Variants in C2CD3 observed in about 807,000 individuals in gnomAD.
C2CD3 encodes the protein C2 domain containing 3 centriole elongation regulator.
Under a neutral mutation model 234.0 loss-of-function variants are expected in C2CD3, and 148 were observed. That is an observed-to-expected ratio of 0.63 (90% CI 0.55 to 0.72). C2CD3 has a LOEUF of 0.72. Among genes scored for constraint, C2CD3 ranks in the 30% least tolerant of loss-of-function variants. C2CD3 has a pLI of 0.00. For synonymous variants in C2CD3, 1,000 were observed against 1,035.4 expected (o/e 0.97, Z 0.66); for missense variants, 2,577 against 2,811.5 (o/e 0.92, Z 1.89).
Position 74,054,671 on chromosome 11 carries a change from C to T in C2CD3, c.5091G>A (p.Arg1697=), listed in dbSNP as rs761640737. The T allele has an allele frequency of 3.1e-6, 5 of 1,608,692 alleles. No homozygotes were observed. Among genetic ancestry groups the T allele is most frequent in the Non-Finnish European group, 4.2e-6 (5 of 1,176,938 alleles). Residue 1697 remains arginine, a splice_region_variant and synonymous_variant, in exon 26 of 33, where the codon AGG becomes AGA. Coordinates refer to ENST00000334126, the MANE Select transcript of C2CD3 (RefSeq NM_001286577.2). ...SPIWNFQQQS[R]LSKELLLDPQ... Reference sequence around the variant, plus strand: ...GGTCCAGAAGCAGCTCTTTTGATAGCCTATTAAGAAAAACAACCACTGTAA... The same window carrying T: ...GGTCCAGAAGCAGCTCTTTTGATAGTCTATTAAGAAAAACAACCACTGTAA...
At chr11:74,063,709 T>C (rs1954364297) in intron 24 of C2CD3, among the ~76,000 whole-genome samples, 1 of 152,298 alleles carries the variant, frequency 6.6e-6, no homozygotes, top group African/African-American at 2.4e-5. Context: ...CCTTGAAAAC[T>C]GGCACAAGAC....
At chr11:74,109,230 T>A (rs1424005416) in intron 11 of C2CD3, 78 bp from the exon 12 acceptor site, 1 of 703,176 alleles carries the variant, frequency 1.4e-6, no homozygotes, top group Non-Finnish European at 2.4e-6. Flanking sequence ...TGATACCACC[T>A]GCCTCCCTTT....
In C2CD3 at chr11:74,081,842, G is replaced by A. The variant is rs530183039; in HGVS notation, c.4000+3039C>T. On this transcript the variant is annotated intron_variant, in intron 22 of 32. Transcript: ENST00000334126. ...TTTGCACATTGATTTTGTATCCTGA[G>A]ACTTTGCTGAAGTTGCTTATCAGCT... Among the ~76,000 whole-genome samples, 4 of 152,292 alleles carry A rather than the reference G, an allele frequency of 2.6e-5. No individual in the cohort carries two copies. The South Asian group carries it at 8.3e-4, about 32-fold the overall frequency.
In C2CD3 at chr11:74,085,857, T is replaced by G. The variant is rs78878933; in HGVS notation, c.3671A>C (p.Gln1224Pro). ...KALAEREPAL[Q>P]FSATVGVNAS... is the part of the protein sequence containing the mutation. ...ATTGACCCCGACTGTGGCACTAAAC[T>G]GTAGAGCGGGTTCCCGTTCAGCCAA... The change falls in exon 21 of 33, where the codon CAG (glutamine) becomes CCG (proline). Residue 1224 changes from glutamine to proline, a missense_variant. Transcript: ENST00000334126. The G allele has an allele frequency of 1.2e-6, 2 of 1,613,732 alleles. No individual in the cohort carries two copies. Among genetic ancestry groups the G allele is most frequent in the Non-Finnish European group, 1.7e-6 (2 of 1,179,740 alleles).
intron 5 of C2CD3, among the ~76,000 whole-genome samples, chr11:74,133,819 G>T (rs1360302258): frequency 6.6e-6 from 1 of 152,064 alleles, no homozygotes; most frequent in Non-Finnish European, 1.5e-5. Context: ...CTCTTGTGGG[G>T]GTTGTTATAT....
intron 27 of C2CD3, 63 bp from the exon 28 acceptor site, chr11:74,048,401 A>G (rs935134561): frequency 6.5e-7 from 1 of 1,548,728 alleles, no homozygotes; most frequent in Non-Finnish European, 8.8e-7. Flanking sequence ...ACAAAGCAGT[A>G]TATAAATAAG....
At chr11:74,145,080 A>G (rs962127389) in intron 3 of C2CD3, among the ~76,000 whole-genome samples, 1 of 152,182 alleles carries the variant, frequency 6.6e-6, no homozygotes, top group Non-Finnish European at 1.5e-5. Flanking sequence ...TTCTTACAAT[A>G]CTCAGTAGTG....
intron 21 of C2CD3, among the ~76,000 whole-genome samples, chr11:74,085,261 C>CA (rs1171073502): frequency 3.9e-5 from 6 of 152,002 alleles, no homozygotes; most frequent in African/African-American, 1.2e-4. Context: ...TTCGGCCTCC[C>CA]AAAGTGCTGG....
intron 32 of C2CD3, among the ~76,000 whole-genome samples, chr11:74,027,305 G>T (rs964887242): frequency 1.3e-5 from 2 of 152,084 alleles, no homozygotes; most frequent in Non-Finnish European, 2.9e-5. Flanking sequence ...ATGGGGTTTT[G>T]CCATGTTGGC....
At chr11:74,153,281 T>C (rs1335453195) in intron 3 of C2CD3, among the ~76,000 whole-genome samples, 1 of 151,882 alleles carries the variant, frequency 6.6e-6, no homozygotes, top group Non-Finnish European at 1.5e-5. Context: ...CCAAATGCTT[T>C]CCTATGAAAA....
At chr11:74,110,090 T>TAAAC (rs1352820361) in intron 11 of C2CD3, among the ~76,000 whole-genome samples, 2 of 150,454 alleles carry the variant, frequency 1.3e-5, no homozygotes. Flanking sequence ...CAAAAATAAA[T>TAAAC]AAATAAATAA....
intron 9 of C2CD3, among the ~76,000 whole-genome samples, chr11:74,116,336 A>G (rs1565311742): frequency 6.6e-6 from 1 of 152,162 alleles, no homozygotes. Flanking sequence ...ACAATTCTCA[A>G]AAGAAGATAT....
intron 12 of C2CD3, chr11:74,108,080 G>C (rs1956594022): frequency 6.6e-6 from 1 of 150,960 alleles, no homozygotes; most frequent in African/African-American, 2.4e-5. Context: ...GAACCCGGGA[G>C]GCAGAGCTTG....
intron 14 of C2CD3, 47 bp downstream of exon 14, chr11:74,103,084 C>T: frequency 6.5e-7 from 1 of 1,528,434 alleles, no homozygotes; most frequent in Non-Finnish European, 8.8e-7. Flanking sequence ...AGGCATTTGT[C>T]TCTCACCCCT....
rs568116670 is a variant in C2CD3, at chr11:74,093,828, T to G, written c.3332A>C (p.Glu1111Ala). The G allele has an allele frequency of 3.1e-6, 5 of 1,613,782 alleles. No individual in the cohort carries two copies. Among genetic ancestry groups the G allele is most frequent in the Non-Finnish European group, 4.2e-6 (5 of 1,179,810 alleles). The change falls in exon 18 of 33, where the codon GAA (glutamate) becomes GCA (alanine). Residue 1111 changes from glutamate (E) to alanine (A), a missense_variant. Coordinates refer to ENST00000334126, the MANE Select transcript of C2CD3 (RefSeq NM_001286577.2). ...CTCCACACTGTACCTGCACCAGATT[T>G]CAAACTGGACTCCACCTCCAGGCAC... ...GLVPGGGVQF[E>A]IWCRYYYPNV...
chr11:74,168,353 A>G lies in C2CD3; in HGVS notation c.316T>C (p.Tyr106His). 2 of 1,613,536 alleles carry G rather than the reference A, an allele frequency of 1.2e-6. No homozygotes were observed. The highest frequency in any genetic ancestry group is 1.7e-6 in the Non-Finnish European group (2 of 1,179,386). Residue 106 changes from tyrosine (Y) to histidine (H), a missense_variant, in exon 2 of 33, where the codon TAT (tyrosine) becomes CAT (histidine). Tyr to His is a moderately conservative substitution (Grantham distance 83). Coordinates refer to ENST00000334126, the MANE Select transcript of C2CD3 (RefSeq NM_001286577.2). ...IRCGPKQFTSYLTDMAVLVLE... is the reference protein window; with the variant it reads ...IRCGPKQFTSHLTDMAVLVLE... ...TAAAACAATAACATACCTGTTAGAT[A>G]AGAGGTAAACTGTTTTGGACCACAA...
At chr11:74,160,940 C>T (rs985885336) in intron 3 of C2CD3, among the ~76,000 whole-genome samples, 3 of 152,104 alleles carry the variant, frequency 2.0e-5, no homozygotes, top group African/African-American at 7.2e-5. Context: ...ATACCACTTA[C>T]ATGAGTCAAA....
intron 4 of C2CD3, among the ~76,000 whole-genome samples, 154 bp downstream of exon 4, chr11:74,139,451 C>A (rs1226128000): frequency 6.6e-6 from 1 of 152,146 alleles, no homozygotes; most frequent in Non-Finnish European, 1.5e-5. Context: ...TAGTATCAAA[C>A]CAGGACCAGA....
intron 29 of C2CD3, among the ~76,000 whole-genome samples, chr11:74,040,287 A>C (rs1952967619): frequency 6.6e-6 from 1 of 151,942 alleles, no homozygotes; most frequent in Non-Finnish European, 1.5e-5. Context: ...CCCACCCCCA[A>C]CCCCACCCTT....
Sources: gnomAD v4.1 joint callset for allele counts (sites outside exome capture counted in the v4.1 genomes callset) on GRCh38, gnomAD v4.1.1 for gene constraint, MANE v1.5 for transcripts, NCBI Gene and HGNC (gene_info 2026-07-23, HGNC 2026-07-21) for gene names.